TOGARAM2: variants seen among roughly 807,000 people sequenced by gnomAD.
The protein encoded by TOGARAM2 is TOG array regulator of axonemal microtubules 2, also known as TOG array regulator of axonemal microtubules protein 2.
Under a neutral mutation model 93.3 loss-of-function variants are expected in TOGARAM2, and 85 were observed. That is an observed-to-expected ratio of 0.91 (90% CI 0.76 to 1.09). The LOEUF (loss-of-function observed/expected upper bound fraction) is 1.09, where lower values mean the gene tolerates loss of function less well. TOGARAM2 is among the 50% of genes least tolerant of loss of function. The probability of loss-of-function intolerance (pLI) is 0.00; values close to 1 mark genes in which losing one functional copy is unlikely to be tolerated. For synonymous variants in TOGARAM2, 593 were observed against 552.8 expected, an observed-to-expected ratio of 1.07 and a Z score of -1.02; for missense variants, 1,277 against 1,334.5, an observed-to-expected ratio of 0.96 and a Z score of 0.67.
intron 18 of TOGARAM2, among the ~76,000 whole-genome samples, chr2:29,041,025 CTTTT>C (rs59787454): frequency 7.3e-6 from 1 of 137,158 alleles, no homozygotes; most frequent in Non-Finnish European, 1.6e-5. Flanking sequence ...TCTTGAGTCA[CTTTT>C]TTTTTTTTTT....
intron 1 of TOGARAM2, among the ~76,000 whole-genome samples, chr2:28,960,096 C>T (rs952755042): frequency 1.3e-5 from 2 of 152,164 alleles, no homozygotes; most frequent in South Asian, 2.1e-4. Context: ...ATGGGACCAC[C>T]GTTGTATATG....
intron 1 of TOGARAM2, among the ~76,000 whole-genome samples, chr2:28,958,419 C>A (rs1558390645): frequency 6.6e-6 from 1 of 151,942 alleles, no homozygotes. Context: ...GATCCTCCTG[C>A]TTCAGCCTCC....
At chr2:29,009,335 C>T (rs1271558349) in intron 6 of TOGARAM2, among the ~76,000 whole-genome samples, 2 of 152,184 alleles carry the variant, frequency 1.3e-5, no homozygotes, top group African/African-American at 4.8e-5. Flanking sequence ...GCTTCATCCT[C>T]CTGTAAGGAG....
chr2:29,024,085 C>T (rs1665159003), intron 12 of TOGARAM2, 54 bp from the exon 13 acceptor site: 2 of 1,474,584 alleles, frequency 1.4e-6, no homozygotes, highest in Non-Finnish European at 1.9e-6. Context: ...TCCATGCGTC[C>T]CAGAGCCCTT....
upstream of TOGARAM2, among the ~76,000 whole-genome samples, chr2:28,980,253 T>C (rs1672127577): frequency 6.6e-6 from 1 of 152,130 alleles, no homozygotes. Context: ...TGGATCTTGG[T>C]AAATGACAGC....
intron 1 of TOGARAM2, among the ~76,000 whole-genome samples, chr2:28,970,246 G>A (rs1054494335): frequency 1.3e-5 from 2 of 152,122 alleles, no homozygotes; most frequent in Non-Finnish European, 2.9e-5. Context: ...GACAGAGCTG[G>A]GTCTGCATCC....
chr2:28,998,160 G>C lies in TOGARAM2; in HGVS notation c.46G>C (p.Val16Leu). 1.2e-6 allele frequency: 2 copies of C among 1,608,704 alleles called. No individual in the cohort carries two copies. Residue 16 changes from valine (V) to leucine (L), a missense_variant, in exon 3 of 20, where the codon GTG (valine) becomes CTG (leucine). Coordinates refer to ENST00000379558, the MANE Select transcript of TOGARAM2 (RefSeq NM_199280.4). ...DVPEAKVLVP[V>L]AVYCGSIPRT... The stretch of plus-strand genomic sequence containing the variant: ...GTCTCCAGCCAAGGTCCTGGTCCCC[G>C]TGGCCGTGTACTGCGGGAGCATCCC...
intron 1 of TOGARAM2, among the ~76,000 whole-genome samples, chr2:28,960,914 G>A (rs1368504789): frequency 6.6e-6 from 1 of 152,196 alleles, no homozygotes; most frequent in Non-Finnish European, 1.5e-5. Flanking sequence ...AAACAGCACA[G>A]GTCTTAAGCT....
Position 29,005,015 on chromosome 2 carries a change from T to G in TOGARAM2, c.830+1333T>G, listed in dbSNP as rs575478018. 6.0e-5 allele frequency among the ~76,000 whole-genome samples: 7 copies of G among 117,116 alleles called. 2 individuals carry two copies. In the South Asian group the frequency reaches 8.8e-4, roughly 15 times the overall value. The allele number at this position is 117,116 out of a possible 152,430, so 76.8% of individuals were successfully genotyped here. ...GAGTGCATGTGTGTGCATGTGTATG[T>G]GTGAGTGCATGTATGTGAGTGCATG... On this transcript the variant is annotated intron_variant, in intron 6 of 19. Coordinates refer to ENST00000379558, the MANE Select transcript of TOGARAM2 (RefSeq NM_199280.4).
chr2:28,974,822 G>A (rs1202355873), intron 1 of TOGARAM2, among the ~76,000 whole-genome samples: 2 of 151,556 alleles, frequency 1.3e-5, no homozygotes, highest in Non-Finnish European at 2.9e-5. Flanking sequence ...ATAGAGACAG[G>A]GTTTCACTAT....
chr2:28,962,769 TC>T (rs1671818832), intron 1 of TOGARAM2, among the ~76,000 whole-genome samples: 1 of 39,386 alleles, frequency 2.5e-5, no homozygotes, highest in African/African-American at 1.0e-4. Flanking sequence ...TCCCCTTCCC[TC>T]CCCTCCCCTT....
chr2:29,025,448 G>GA (rs1242274038), intron 13 of TOGARAM2, among the ~76,000 whole-genome samples: 3 of 152,064 alleles, frequency 2.0e-5, no homozygotes, highest in Non-Finnish European at 4.4e-5. Context: ...GCAGAATAGT[G>GA]ATGATAATAG....
intron 6 of TOGARAM2, among the ~76,000 whole-genome samples, chr2:29,006,080 CGTGT>C (rs199864056): frequency 7.9e-6 from 1 of 126,610 alleles, no homozygotes; most frequent in Non-Finnish European, 1.6e-5. Context: ...TGTGAGAGCA[CGTGT>C]GTGTGTGTGG....
At chr2:29,035,678 T>A (rs542488414) in intron 17 of TOGARAM2, 22 bp downstream of exon 17, 23 of 1,373,284 alleles carry the variant, frequency 1.7e-5, no homozygotes, top group Non-Finnish European at 2.2e-5. Context: ...TTGCTTTTAC[T>A]CTCCCACCTG....
At chr2:29,010,829 G>T (rs1263320029) in intron 6 of TOGARAM2, among the ~76,000 whole-genome samples, 1 of 152,162 alleles carries the variant, frequency 6.6e-6, no homozygotes, top group African/African-American at 2.4e-5. Context: ...ATAAGTAAAT[G>T]GTGCTTCCAA....
intron 6 of TOGARAM2, among the ~76,000 whole-genome samples, chr2:29,006,868 G>A (rs1663909861): frequency 6.6e-6 from 1 of 152,124 alleles, no homozygotes; most frequent in African/African-American, 2.4e-5. Context: ...CCTCGGAGCA[G>A]CCTTATCTGT....
At chr2:28,984,228 A>G (rs973272175) in intron 1 of TOGARAM2, among the ~76,000 whole-genome samples, 11 of 151,952 alleles carry the variant, frequency 7.2e-5, no homozygotes, top group African/African-American at 2.7e-4. Flanking sequence ...ATTTCTCTTC[A>G]ACAAAACAAA....
At chr2:28,980,857 T>G (rs914468610), upstream of TOGARAM2, among the ~76,000 whole-genome samples, 1 of 152,268 alleles carries the variant, frequency 6.6e-6, no homozygotes, top group Admixed American at 6.5e-5. Flanking sequence ...TGTACCCATT[T>G]TATAGATGAG....
chr2:29,015,184 G>T (rs1482365276), intron 8 of TOGARAM2, among the ~76,000 whole-genome samples: 4 of 142,062 alleles, frequency 2.8e-5, no homozygotes, highest in African/African-American at 1.0e-4. Flanking sequence ...CTCTGTTAGA[G>T]ACTGGGTGAC....
Sources: allele counts gnomAD v4.1 joint callset (sites outside exome capture counted in the v4.1 genomes callset), GRCh38; gene constraint gnomAD v4.1.1; transcripts MANE v1.5; gene names NCBI Gene and HGNC (gene_info 2026-07-23, HGNC 2026-07-21).